Variants in RPS6KC1 observed in about 807,000 individuals in gnomAD.
RPS6KC1 encodes inactive ribosomal protein S6 kinase delta-1.
In RPS6KC1, 54 loss-of-function variants were observed where a neutral mutation model predicts 103.8. The ratio of observed to expected loss-of-function variants is 0.52; its 90% confidence interval spans 0.42 to 0.65. RPS6KC1 has a LOEUF of 0.65. RPS6KC1 is among the 30% of genes least tolerant of loss of function. The probability of loss-of-function intolerance (pLI) is 0.00; values close to 1 mark genes in which losing one functional copy is unlikely to be tolerated. For synonymous variants in RPS6KC1, 439 were observed against 438.7 expected (o/e 1.00, Z -0.01); for missense variants, 1,151 against 1,253.8 (o/e 0.92, Z 1.24).
the RPS6KC1 span, among the ~76,000 whole-genome samples, chr1:213,513,414 A>G: frequency 6.6e-6 from 1 of 152,206 alleles, no homozygotes. Flanking sequence ...GAGAAAATTA[A>G]TATAGTACCC....
At chr1:213,704,792 G>T in the RPS6KC1 span, among the ~76,000 whole-genome samples, 1 of 152,216 alleles carries the variant, frequency 6.6e-6, no homozygotes, top group Non-Finnish European at 1.5e-5. Flanking sequence ...TATTCAAAAA[G>T]ACTTGGGTGT....
At chr1:213,748,310 C>A in the RPS6KC1 span, among the ~76,000 whole-genome samples, 2 of 152,182 alleles carry the variant, frequency 1.3e-5, no homozygotes, top group Non-Finnish European at 2.9e-5. Context: ...TGTCTAGAAA[C>A]AATTCACGTT....
the RPS6KC1 span, among the ~76,000 whole-genome samples, chr1:213,282,214 C>T: frequency 4.6e-5 from 7 of 152,160 alleles, no homozygotes; most frequent in Middle Eastern, 3.2e-3. Context: ...ACCAAGGAGC[C>T]CACCAGAAAA....
chr1:213,217,717 C>T (rs1441830109), intron 8 of RPS6KC1, among the ~76,000 whole-genome samples: 1 of 152,176 alleles, frequency 6.6e-6, no homozygotes, highest in Non-Finnish European at 1.5e-5. Flanking sequence ...GCTGGTTCAA[C>T]ATATGCAAAT....
At chr1:213,158,722 G>A (rs532914034) in intron 6 of RPS6KC1, among the ~76,000 whole-genome samples, 2 of 152,202 alleles carry the variant, frequency 1.3e-5, no homozygotes, top group Admixed American at 6.5e-5. Context: ...TGTTTCCTGA[G>A]AGTTGTTTAT....
the RPS6KC1 span, among the ~76,000 whole-genome samples, chr1:213,381,639 G>T: frequency 1.3e-5 from 2 of 151,822 alleles, no homozygotes. Flanking sequence ...CTCTCCCTTT[G>T]TGCTGTGACA....
At chr1:213,748,382 T>C in the RPS6KC1 span, among the ~76,000 whole-genome samples, 217 of 152,366 alleles carry the variant, frequency 1.4e-3, no homozygotes, top group African/African-American at 5.0e-3. Context: ...AAGTCTGGAA[T>C]GAGGTCTACT....
At chr1:213,568,267 T>A in the RPS6KC1 span, among the ~76,000 whole-genome samples, 1 of 152,180 alleles carries the variant, frequency 6.6e-6, no homozygotes, top group African/African-American at 2.4e-5. Context: ...ACTGGGAAAA[T>A]TCTGGGCAAA....
chr1:213,513,513 G>A, the RPS6KC1 span, among the ~76,000 whole-genome samples: 2 of 152,130 alleles, frequency 1.3e-5, no homozygotes, highest in Non-Finnish European at 1.5e-5. Context: ...CAAAAAATAG[G>A]CACAAAAAGC....
chr1:213,293,851 C>A, the RPS6KC1 span, among the ~76,000 whole-genome samples: 1 of 152,162 alleles, frequency 6.6e-6, no homozygotes, highest in African/African-American at 2.4e-5. Context: ...ATGCATCCTT[C>A]TTCTTTTTCA....
chr1:213,334,357 C>T, the RPS6KC1 span, among the ~76,000 whole-genome samples: 4 of 152,196 alleles, frequency 2.6e-5, no homozygotes, highest in East Asian at 1.9e-4. Context: ...CTGCATGAAT[C>T]GATGATATTA....
chr1:213,558,516 C>T, the RPS6KC1 span, among the ~76,000 whole-genome samples: 1 of 152,208 alleles, frequency 6.6e-6, no homozygotes, highest in Admixed American at 6.5e-5. Context: ...AATGTTTTGA[C>T]TTCCTTCTTT....
At chr1:213,539,555 G>A in the RPS6KC1 span, among the ~76,000 whole-genome samples, 1 of 152,218 alleles carries the variant, frequency 6.6e-6, no homozygotes, top group Non-Finnish European at 1.5e-5. Flanking sequence ...ATGGGAGGCA[G>A]ATGCACATTG....
the RPS6KC1 span, among the ~76,000 whole-genome samples, chr1:213,664,197 G>GGGGGGGT: frequency 1.4e-5 from 2 of 143,720 alleles, no homozygotes; most frequent in South Asian, 2.5e-4. Flanking sequence ...ATGAGCGGGG[G>GGGGGGGT]GGCGGGGTGG....
intron 8 of RPS6KC1, among the ~76,000 whole-genome samples, chr1:213,208,594 A>G (rs2093420014): frequency 6.6e-6 from 1 of 152,124 alleles, no homozygotes; most frequent in South Asian, 2.1e-4. Context: ...TCTTGGGCCA[A>G]TTGGTTTTCT....
Position 213,267,979 on chromosome 1 carries a change from G to T in RPS6KC1, c.3091-4545G>T, listed in dbSNP as rs1484569346. On this transcript the variant is annotated intron_variant, in intron 14 of 14. Coordinates refer to ENST00000366960, the MANE Select transcript of RPS6KC1 (RefSeq NM_012424.6). ...CAGTATACATATAATGATAGTCCCAGAAGGAGAGGAGAAAGGGAAAGGGAC... is the reference window on the plus strand; with the variant it reads ...CAGTATACATATAATGATAGTCCCATAAGGAGAGGAGAAAGGGAAAGGGAC... Among the ~76,000 whole-genome samples, 3 of 151,904 alleles carry T rather than the reference G, an allele frequency of 2.0e-5. 1 individual carries two copies. Among genetic ancestry groups the T allele is most frequent in the Non-Finnish European group, 4.4e-5 (3 of 67,912 alleles).
the RPS6KC1 span, among the ~76,000 whole-genome samples, chr1:213,553,040 A>G: frequency 2.0e-5 from 3 of 151,538 alleles, no homozygotes; most frequent in Admixed American, 6.6e-5. Context: ...CAAGGGGTAC[A>G]TGTGCATGTT....
intron 1 of RPS6KC1, among the ~76,000 whole-genome samples, chr1:213,070,665 G>A (rs1346056567): frequency 1.3e-5 from 2 of 152,132 alleles, no homozygotes; most frequent in South Asian, 2.1e-4. Flanking sequence ...TTGAACAGTT[G>A]GCTCTCTTTG....
intron 12 of RPS6KC1, among the ~76,000 whole-genome samples, chr1:213,246,826 C>CTA (rs1160782051): frequency 6.6e-6 from 1 of 151,828 alleles, no homozygotes; most frequent in Non-Finnish European, 1.5e-5. Flanking sequence ...CTGCAGTGTG[C>CTA]TATGATCATG....
Sources: allele counts gnomAD v4.1 joint callset (sites outside exome capture counted in the v4.1 genomes callset), GRCh38; gene constraint gnomAD v4.1.1; transcripts MANE v1.5; gene names NCBI Gene and HGNC (gene_info 2026-07-23, HGNC 2026-07-21).